The following NFKBIZ variants were observed in gnomAD, a reference collection of about 807,000 sequenced individuals.
NFKBIZ encodes NF-kappa-B inhibitor zeta.
NFKBIZ carries 19 observed loss-of-function variants against 76.8 expected under a neutral mutation model. That is an observed-to-expected ratio of 0.25 (90% CI 0.17 to 0.36). The LOEUF (loss-of-function observed/expected upper bound fraction) is 0.36, where lower values mean the gene tolerates loss of function less well. Among genes scored for constraint, NFKBIZ ranks in the 10% least tolerant of loss-of-function variants. NFKBIZ has a pLI of 1.00. For synonymous variants in NFKBIZ, 368 were observed against 354.8 expected (o/e 1.04, Z -0.42); for missense variants, 829 against 910.9 (o/e 0.91, Z 1.16).
rs1942921269 is a variant in NFKBIZ at position 101,849,814 on chromosome 3, G to T, written c.186G>T (p.Ser62=). The T allele has an allele frequency of 4.8e-6, 7 of 1,470,760 alleles. No individual in the cohort carries two copies. Among genetic ancestry groups the T allele is most frequent in the Admixed American group, 2.5e-5 (1 of 40,608 alleles). 91.1% of individuals were successfully genotyped at this position (1,470,760 alleles called of 1,614,324 possible). A position where few individuals can be genotyped will look rare whatever the true frequency, so the allele number is the denominator to read the frequency against. The change falls in exon 1 of 12, where the codon TCG becomes TCT. Residue 62 remains serine, a synonymous_variant. Transcript: ENST00000326172. ...TCTTGGGCCCCTCGGCGCCCGGCTC[G>T]CCCGGCTCCGACTCCTCCGACTTCT... ...CSVLGPSAPG[S]PGSDSSDFSS...
chr3:101,832,675 C>CGT (rs1942662344), intron 2 of NFKBIZ, among the ~76,000 whole-genome samples: 1 of 152,142 alleles, frequency 6.6e-6, no homozygotes, highest in South Asian at 2.1e-4. Context: ...AATATTCCAG[C>CGT]GTGTGTGTAG....
rs902313383 is a variant in NFKBIZ, at chr3:101,849,786, C to T, written c.158C>T (p.Ser53Leu). The change falls in exon 1 of 12, where the codon TCG becomes TTG. Residue 53 changes from serine to leucine, a missense_variant. Coordinates refer to ENST00000326172, the MANE Select transcript of NFKBIZ (RefSeq NM_031419.4). ...CCGGGCGCCTGCGACGCCAGCTGCT[C>T]GGTCTTGGGCCCCTCGGCGCCCGGC... ...AAPGACDASC[S>L]VLGPSAPGSP... 6 of 1,444,244 alleles carry T rather than the reference C, an allele frequency of 4.2e-6. No homozygotes were observed. The African/African-American group carries it at 6.0e-5, about 14-fold the overall frequency. 89.5% of individuals were successfully genotyped at this position (1,444,244 alleles called of 1,614,324 possible). A position where few individuals can be genotyped will look rare whatever the true frequency, so the allele number is the denominator to read the frequency against.
intron 2 of NFKBIZ, among the ~76,000 whole-genome samples, chr3:101,830,964 C>G (rs1199713175): frequency 1.3e-5 from 2 of 152,196 alleles, no homozygotes; most frequent in South Asian, 4.1e-4. Flanking sequence ...TATAAAATGC[C>G]AACCTCCAGA....
At position 101,849,880 on chromosome 3, in the gene NFKBIZ, C is replaced by T. The variant is rs1241698429; in HGVS notation, c.252C>T (p.Ser84=). ...TGTCCTCCTGCGGCGCCGTGGAGTC[C>T]CGGTCGAGAGGCGGCGCCCGCGCCG... The part of the protein sequence containing the change: ...SSVSSCGAVE[S]RSRGGARAER... The change falls in exon 1 of 12, where the codon TCC becomes TCT. Residue 84 remains serine (S), a synonymous_variant. Coordinates refer to ENST00000326172, the MANE Select transcript of NFKBIZ (RefSeq NM_031419.4). 2 of 1,449,362 alleles carry T rather than the reference C, an allele frequency of 1.4e-6. No individual in the cohort carries two copies. The highest frequency in any genetic ancestry group is 1.8e-6 in the Non-Finnish European group (2 of 1,108,650). The allele number at this position is 1,449,362 out of a possible 1,614,324, so 89.8% of individuals were successfully genotyped here.
upstream of NFKBIZ, among the ~76,000 whole-genome samples, chr3:101,846,150 G>A (rs755538323): frequency 1.3e-5 from 2 of 152,212 alleles, no homozygotes; most frequent in African/African-American, 2.4e-5. Flanking sequence ...AAGGCCCGAT[G>A]TGCAGCTGGA....
intron 11 of NFKBIZ, chr3:101,858,427 A>G: frequency 4.1e-6 from 4 of 985,402 alleles, no homozygotes; most frequent in Non-Finnish European, 4.8e-6. Context: ...ACCATCATTA[A>G]CTTGTAAAAG....
rs779487550 is a variant in NFKBIZ at position 101,857,338 on chromosome 3, A to G, written c.1982A>G (p.Tyr661Cys). 3 of 1,614,214 alleles carry G rather than the reference A, an allele frequency of 1.9e-6. No homozygotes were observed. The highest frequency in any genetic ancestry group is 2.5e-6 in the Non-Finnish European group (3 of 1,180,032). Residue 661 changes from tyrosine (Y) to cysteine (C), a missense_variant, in exon 11 of 12, where the codon TAT becomes TGT. This residue lies in a region of NFKBIZ where 272 missense variants were observed against 384.2 expected (regional missense o/e 0.71). Coordinates refer to ENST00000326172, the MANE Select transcript of NFKBIZ (RefSeq NM_031419.4). ...CTCCATGTTGCTGCCAGCTTGCAGT[A>G]TCGGTTGACACAATTAGATGCTGTC... ...TALHVAASLQYRLTQLDAVRL... is the reference protein window; with the variant it reads ...TALHVAASLQCRLTQLDAVRL...
chr3:101,843,631 C>G (rs762021661), intron 2 of NFKBIZ, among the ~76,000 whole-genome samples: 5 of 152,112 alleles, frequency 3.3e-5, no homozygotes, highest in Non-Finnish European at 7.3e-5. Flanking sequence ...AAGATGGAAC[C>G]TGAAACCATA....
Position 101,833,625 on chromosome 3 carries a change from A to T in NFKBIZ, c.-12+3937A>T, listed in dbSNP as rs149103359. Among the ~76,000 whole-genome samples the T allele has an allele frequency of 3.4e-3, 514 of 152,288 alleles. 8 individuals carry two copies. Among genetic ancestry groups the T allele is most frequent in the South Asian group, 0.011 (52 of 4,822 alleles). On this transcript the variant is annotated intron_variant, in intron 2 of 12. Coordinates refer to the NFKBIZ transcript ENST00000394054. The stretch of plus-strand genomic sequence containing the variant: ...CAAGGCTGCCAAATTTACCCTTGGC[A>T]TTTCTAGTGTCTTGAGAGATGAGCT...
intron 2 of NFKBIZ, among the ~76,000 whole-genome samples, chr3:101,843,456 A>C (rs1191874235): frequency 6.7e-6 from 1 of 150,320 alleles, no homozygotes; most frequent in African/African-American, 2.5e-5. Context: ...AAAAAGAAAC[A>C]TGTGTCACAA....
Position 101,849,594 on chromosome 3 carries a change from A to C in NFKBIZ, c.-35A>C, listed in dbSNP as rs1942914003. 7.7e-7 allele frequency: 1 copy of C among 1,304,394 alleles called. No homozygotes were observed. 80.8% of individuals were successfully genotyped at this position (1,304,394 alleles called of 1,614,324 possible). Reference sequence around the variant, plus strand: ...GCCGCGCGCAGCGAGCCGGTGGCGCAGGTGTCGGGGTCCTCGAGCGCCCAG... The same window carrying C: ...GCCGCGCGCAGCGAGCCGGTGGCGCCGGTGTCGGGGTCCTCGAGCGCCCAG... On this transcript the variant is annotated 5_prime_UTR_variant, in exon 1 of 12. Coordinates refer to ENST00000326172, the MANE Select transcript of NFKBIZ (RefSeq NM_031419.4).
At chr3:101,858,028 T>G (rs1943076350) in intron 11 of NFKBIZ, 1 of 845,932 alleles carries the variant, frequency 1.2e-6, no homozygotes, top group South Asian at 5.5e-5. Context: ...CAAATATGGT[T>G]ATATATTATC....
In NFKBIZ at chr3:101,853,430, T is replaced by G. The variant is rs1943000500; in HGVS notation, c.904T>G (p.Tyr302Asp). ...CCAGCATGTAGAGCAGCAGCCACACTACACCCACAAACCAACTCTGGAATA... is the reference window on the plus strand; with the variant it reads ...CCAGCATGTAGAGCAGCAGCCACACGACACCCACAAACCAACTCTGGAATA... ...QNQHVEQQPH[Y>D]THKPTLEYSP... Residue 302 changes from tyrosine (Y) to aspartate (D), a missense_variant, in exon 5 of 12, where the codon TAC becomes GAC. This residue lies in a region of NFKBIZ where 371 missense variants were observed against 332.3 expected (regional missense o/e 1.12). Transcript: ENST00000326172. 2 of 1,614,060 alleles carry G rather than the reference T, an allele frequency of 1.2e-6. No homozygotes were observed. Among genetic ancestry groups the G allele is most frequent in the African/African-American group, 2.7e-5 (2 of 74,918 alleles).
At chr3:101,835,107 A>G (rs1386374553) in intron 2 of NFKBIZ, among the ~76,000 whole-genome samples, 1 of 152,232 alleles carries the variant, frequency 6.6e-6, no homozygotes, top group Non-Finnish European at 1.5e-5. Context: ...GCATCTCATG[A>G]CACTACCACG....
At chr3:101,842,156 G>C (rs1942792868) in intron 2 of NFKBIZ, among the ~76,000 whole-genome samples, 1 of 152,150 alleles carries the variant, frequency 6.6e-6, no homozygotes, top group Non-Finnish European at 1.5e-5. Flanking sequence ...GTCAGGGGAG[G>C]AAGGGAGGGT....
chr3:101,830,752 T>A (rs1467687417), intron 2 of NFKBIZ, among the ~76,000 whole-genome samples: 2 of 152,226 alleles, frequency 1.3e-5, no homozygotes, highest in Non-Finnish European at 2.9e-5. Context: ...TGATTCCATG[T>A]CTTTGCTATT....
At chr3:101,832,734 G>C (rs563301707) in intron 2 of NFKBIZ, among the ~76,000 whole-genome samples, 1 of 152,140 alleles carries the variant, frequency 6.6e-6, no homozygotes, top group African/African-American at 2.4e-5. Context: ...ATGGACACTT[G>C]GATTGTTTCT....
Position 101,860,069 on chromosome 3 carries a change from C to G in NFKBIZ, c.*698C>G, listed in dbSNP as rs1943110716. 6.6e-6 allele frequency: 1 copy of G among 152,092 alleles called. No homozygotes were observed. Among genetic ancestry groups the G allele is most frequent in the Non-Finnish European group, 1.5e-5 (1 of 68,026 alleles). 9.4% of individuals were successfully genotyped at this position (152,092 alleles called of 1,614,324 possible). On this transcript the variant is annotated 3_prime_UTR_variant, in exon 12 of 12. Transcript: ENST00000326172. Reference sequence around the variant, plus strand: ...AATCACTAAGTCTTTGTAGATAAAGCAGATGGGGAGTTACGGAGTTGTTCC... The same window carrying G: ...AATCACTAAGTCTTTGTAGATAAAGGAGATGGGGAGTTACGGAGTTGTTCC...
Position 101,860,010 on chromosome 3 carries a change from T to A in NFKBIZ, c.*639T>A, listed in dbSNP as rs1943110035. On this transcript the variant is annotated 3_prime_UTR_variant, in exon 12 of 12. Transcript: ENST00000326172. ...AGTGAATTGTTGCTATTTAAAAAAA[T>A]TTTACAATTCTTACTAAGGAGTTTT... 2 of 152,204 alleles carry A rather than the reference T, an allele frequency of 1.3e-5. No individual in the cohort carries two copies. Among genetic ancestry groups the A allele is most frequent in the South Asian group, 4.1e-4 (2 of 4,836 alleles). 9.4% of individuals were successfully genotyped at this position (152,204 alleles called of 1,614,324 possible).
Sources: gnomAD v4.1 joint callset for allele counts (sites outside exome capture counted in the v4.1 genomes callset) on GRCh38, gnomAD v4.1.1 for gene constraint, gnomAD v4.1.1 regional missense constraint, MANE v1.5 for transcripts, NCBI Gene and HGNC (gene_info 2026-07-23, HGNC 2026-07-21) for gene names.